Variants in SCD5 observed in about 807,000 individuals in gnomAD.
SCD5 encodes acyl-CoA-desaturase 4.
A neutral mutation model predicts 30.4 loss-of-function variants in SCD5; 20 were observed. The ratio of observed to expected loss-of-function variants is 0.66; its 90% CI spans 0.46 to 0.96. The LOEUF (loss-of-function observed/expected upper bound fraction) is 0.96, where lower values mean the gene tolerates loss of function less well. Among genes scored for constraint, SCD5 ranks in the 40% least tolerant of loss-of-function variants. SCD5 has a pLI of 0.00. For synonymous variants in SCD5, 173 were observed against 176.4 expected (o/e 0.98, Z 0.16); for missense variants, 381 against 443.3 (o/e 0.86, Z 1.26).
chr4:82,693,778 C>CT (rs35058163), intron 2 of SCD5, among the ~76,000 whole-genome samples: 130 of 152,278 alleles, frequency 8.5e-4, no homozygotes, highest in Admixed American at 1.4e-3. Context: ...AGAGGTCCTC[C>CT]TGGGTGCATG....
chr4:82,646,847 G>A (rs1427012226), intron 3 of SCD5, among the ~76,000 whole-genome samples: 1 of 152,228 alleles, frequency 6.6e-6, no homozygotes, highest in Non-Finnish European at 1.5e-5. Flanking sequence ...TTTTGAGACG[G>A]AGTCTCGCTC....
At chr4:82,791,349 G>A (rs1457535950) in intron 1 of SCD5, among the ~76,000 whole-genome samples, 1 of 151,920 alleles carries the variant, frequency 6.6e-6, no homozygotes, top group African/African-American at 2.4e-5. Context: ...ATTTGTGAGG[G>A]AAAACAGCTC....
chr4:82,691,214 C>T (rs545323972), intron 2 of SCD5, among the ~76,000 whole-genome samples: 11 of 152,180 alleles, frequency 7.2e-5, no homozygotes, highest in Middle Eastern at 3.4e-3. Flanking sequence ...TTAGTAGAGA[C>T]GGGGTTTCAT....
chr4:82,751,049 T>C (rs1721091588), intron 1 of SCD5, among the ~76,000 whole-genome samples: 1 of 152,184 alleles, frequency 6.6e-6, no homozygotes, highest in Non-Finnish European at 1.5e-5. Flanking sequence ...GAGAACAAGG[T>C]CTGTTTTTGT....
chr4:82,757,665 T>C (rs1018722717), intron 1 of SCD5, among the ~76,000 whole-genome samples: 2 of 152,206 alleles, frequency 1.3e-5, no homozygotes, highest in African/African-American at 4.8e-5. Flanking sequence ...CCGCACTTAC[T>C]GGCCATGTGA....
intron 1 of SCD5, among the ~76,000 whole-genome samples, chr4:82,745,905 G>A (rs1720973126): frequency 6.6e-6 from 1 of 152,122 alleles, no homozygotes; most frequent in Admixed American, 6.5e-5. Context: ...CCAAATACTG[G>A]CCATATCACC....
Position 82,712,356 on chromosome 4 carries a change from C to T in SCD5, c.233-6943G>A, listed in dbSNP as rs552332458. Among the ~76,000 whole-genome samples, 137 of 133,706 alleles carry T rather than the reference C, an allele frequency of 1.0e-3. 1 individual carries two copies. The highest frequency in any genetic ancestry group is 1.7e-3 in the Non-Finnish European group (109 of 62,556). 87.7% of individuals were successfully genotyped at this position (133,706 alleles called of 152,430 possible). A position where few individuals can be genotyped will look rare whatever the true frequency, so the allele number is the denominator to read the frequency against. ...AAGTCTCGCTCTGTCGCCCAGGCTC[C>T]GCCCAGGCTGGAGTGCAATGGCGTG... On this transcript the variant is annotated intron_variant, in intron 1 of 4. Transcript: ENST00000319540.
At chr4:82,716,961 T>C (rs1720241251) in intron 1 of SCD5, among the ~76,000 whole-genome samples, 1 of 151,782 alleles carries the variant, frequency 6.6e-6, no homozygotes, top group South Asian at 2.1e-4. Context: ...TTACATTGTT[T>C]TGGGTATTAT....
intron 4 of SCD5, among the ~76,000 whole-genome samples, chr4:82,633,756 C>A (rs1727368576): frequency 6.6e-6 from 1 of 152,194 alleles, no homozygotes; most frequent in Non-Finnish European, 1.5e-5. Context: ...TCATAAACAG[C>A]TTTGTTGAGA....
intron 1 of SCD5, among the ~76,000 whole-genome samples, chr4:82,739,873 T>G (rs1720836938): frequency 6.6e-6 from 1 of 152,160 alleles, no homozygotes; most frequent in African/African-American, 2.4e-5. Flanking sequence ...TCCATGGACT[T>G]GATGTGTTTA....
At position 82,795,809 on chromosome 4, in the gene SCD5, C is replaced by CAAAAAAAAAAA. The variant is rs72115040; in HGVS notation, c.232+2486_232+2496dup. ...TGCACTCCAGCAAGACCCTGTCTCA[C>CAAAAAAAAAAA]AAAAAAAAAAAAAAAAAAAAAAAAA... On this transcript the variant is annotated intron_variant, in intron 1 of 4. Transcript: ENST00000319540. Among the ~76,000 whole-genome samples the CAAAAAAAAAAA allele has an allele frequency of 1.4e-4, 6 of 43,908 alleles. 1 individual carries two copies. Among genetic ancestry groups the CAAAAAAAAAAA allele is most frequent in the African/African-American group, 5.3e-4 (6 of 11,422 alleles). The allele number at this position is 43,908 out of a possible 152,430, so 28.8% of individuals were successfully genotyped here.
intron 2 of SCD5, among the ~76,000 whole-genome samples, chr4:82,701,637 G>A (rs1414533291): frequency 1.3e-5 from 2 of 152,212 alleles, no homozygotes; most frequent in Non-Finnish European, 2.9e-5. Flanking sequence ...TTAGCTGTGT[G>A]AACTTCGAGA....
chr4:82,730,544 C>G (rs1223247340), intron 1 of SCD5, among the ~76,000 whole-genome samples: 2 of 150,014 alleles, frequency 1.3e-5, no homozygotes, highest in Non-Finnish European at 3.0e-5. Flanking sequence ...GATCCGCCCA[C>G]CTTGGCCTCC....
intron 3 of SCD5, among the ~76,000 whole-genome samples, chr4:82,667,731 C>CATTATTCAA (rs2148818388): frequency 6.6e-6 from 1 of 152,266 alleles, no homozygotes; most frequent in South Asian, 2.1e-4. Flanking sequence ...CAGCTGGATG[C>CATTATTCAA]AGGGAGAATT....
rs1314501635 is a variant in SCD5 at position 82,630,500 on chromosome 4, T to C, written c.*827A>G. On this transcript the variant is annotated 3_prime_UTR_variant, in exon 5 of 5. Coordinates refer to ENST00000319540, the MANE Select transcript of SCD5 (RefSeq NM_001037582.3). ...GTTAATTGGTAGAAAAGAAAACAAA[T>C]GCTCTCCTGAACTACACTGAAAGAA... 6.6e-6 allele frequency: 1 copy of C among 152,210 alleles called. No individual in the cohort carries two copies. Among genetic ancestry groups the C allele is most frequent in the African/African-American group, 2.4e-5 (1 of 41,450 alleles). 9.4% of individuals were successfully genotyped at this position (152,210 alleles called of 1,614,324 possible).
At chr4:82,687,173 G>A (rs1181335565) in intron 2 of SCD5, among the ~76,000 whole-genome samples, 154 of 108,596 alleles carry the variant, frequency 1.4e-3, no homozygotes, top group Middle Eastern at 3.8e-3. Context: ...CTTGTTACAA[G>A]AAAAAAAAAA....
rs577002501 is a variant in SCD5 at position 82,691,810 on chromosome 4, G to C, written c.364-10898C>G. 2.6e-5 allele frequency: 4 copies of C among 153,170 alleles called. No homozygotes were observed. The East Asian group carries it at 7.7e-4, about 29-fold the overall frequency. 9.5% of individuals were successfully genotyped at this position (153,170 alleles called of 1,614,324 possible). On this transcript the variant is annotated intron_variant, in intron 2 of 4. Coordinates refer to ENST00000319540, the MANE Select transcript of SCD5 (RefSeq NM_001037582.3). ...TTTCCTAAAGGGAAGCTGGGGCCAT[G>C]GTCTTTGGAGGGGTGGTGCTGTAGA...
chr4:82,723,049 C>T (rs143025023), intron 1 of SCD5, among the ~76,000 whole-genome samples: 1,802 of 149,156 alleles, frequency 0.012, 27 homozygotes, highest in Middle Eastern at 0.014. Context: ...TGCACTCCAG[C>T]CCGGGTGACA....
At chr4:82,705,076 T>C (rs1719939655) in intron 2 of SCD5, among the ~76,000 whole-genome samples, 1 of 152,248 alleles carries the variant, frequency 6.6e-6, no homozygotes, top group Non-Finnish European at 1.5e-5. Flanking sequence ...TAGTTCAGCA[T>C]GCCTTAGGGC....
Sources: allele counts gnomAD v4.1 joint callset (sites outside exome capture counted in the v4.1 genomes callset), GRCh38; gene constraint gnomAD v4.1.1; transcripts MANE v1.5; gene names NCBI Gene and HGNC (gene_info 2026-07-23, HGNC 2026-07-21).